Variants in TAFA1 observed in about 807,000 individuals in gnomAD.
The protein encoded by TAFA1 is TAFA chemokine like family member 1.
TAFA1 carries 4 observed loss-of-function variants against 18.5 expected under a neutral mutation model. That is an observed-to-expected ratio of 0.22 (90% confidence interval 0.11 to 0.49). The LOEUF is 0.49. Ranked by LOEUF, TAFA1 falls within the 20% of genes least tolerant of loss-of-function variation. The pLI is 0.98. For missense variants in TAFA1, 147 were observed against 169.0 expected, an observed-to-expected ratio of 0.87 and a Z score of 0.72; for synonymous variants, 56 against 55.2, an observed-to-expected ratio of 1.01 and a Z score of -0.06.
intron 2 of TAFA1, among the ~76,000 whole-genome samples, chr3:68,150,818 A>G (rs2065798296): frequency 6.6e-6 from 1 of 152,152 alleles, no homozygotes; most frequent in Non-Finnish European, 1.5e-5. Context: ...CCAGCTTTTA[A>G]AAAACAAGAT....
At chr3:68,144,969 A>T (rs373593091) in intron 2 of TAFA1, 1 of 1,031,962 alleles carries the variant, frequency 9.7e-7, no homozygotes, top group Non-Finnish European at 1.5e-6. Flanking sequence ...ATAAAGTGGC[A>T]TCAAGATGCC....
At chr3:68,480,056 G>A (rs2072201441) in intron 3 of TAFA1, among the ~76,000 whole-genome samples, 1 of 152,054 alleles carries the variant, frequency 6.6e-6, no homozygotes, top group East Asian at 1.9e-4. Context: ...GTGGTTCCAT[G>A]CAAATAACAT....
chr3:68,288,071 T>C (rs1259112788), intron 2 of TAFA1, among the ~76,000 whole-genome samples: 3 of 152,182 alleles, frequency 2.0e-5, no homozygotes, highest in Non-Finnish European at 4.4e-5. Context: ...AAGCCTCCTT[T>C]GCTCTCAATT....
At chr3:68,433,100 C>T (rs2071209291) in intron 3 of TAFA1, among the ~76,000 whole-genome samples, 1 of 152,034 alleles carries the variant, frequency 6.6e-6, no homozygotes, top group Admixed American at 6.6e-5. Flanking sequence ...ATTCAATATG[C>T]TGAAAATGGA....
intron 3 of TAFA1, among the ~76,000 whole-genome samples, chr3:68,464,352 G>A (rs904276532): frequency 6.6e-6 from 1 of 152,208 alleles, no homozygotes; most frequent in Non-Finnish European, 1.5e-5. Context: ...ACCAGGTAGA[G>A]AGAGAGTTGG....
Position 68,242,863 on chromosome 3 carries a change from AT to A in TAFA1, c.119-174410del, listed in dbSNP as rs750809548. 3.9e-5 allele frequency among the ~76,000 whole-genome samples: 6 copies of A among 152,100 alleles called. No homozygotes were observed. The South Asian group carries it at 6.2e-4, about 16-fold the overall frequency. ...GAAAAAGTGTGATGAAATAAACTAC[AT>A]TTTTTTATCTCCTATTTCCTAAGAA... On this transcript the variant is annotated intron_variant, in intron 2 of 4. Coordinates refer to ENST00000478136, the MANE Select transcript of TAFA1 (RefSeq NM_213609.4).
At chr3:68,260,894 G>A (rs1229491096) in intron 2 of TAFA1, among the ~76,000 whole-genome samples, 2 of 151,982 alleles carry the variant, frequency 1.3e-5, no homozygotes, top group Admixed American at 6.6e-5. Flanking sequence ...CAAAAGCAAT[G>A]GCAACAAAAG....
At chr3:68,165,076 C>G (rs1181409186) in intron 2 of TAFA1, among the ~76,000 whole-genome samples, 1 of 152,164 alleles carries the variant, frequency 6.6e-6, no homozygotes, top group Non-Finnish European at 1.5e-5. Flanking sequence ...GGCCAAGGGA[C>G]AGCAACCCAA....
At chr3:68,215,920 A>C (rs1263876096) in intron 2 of TAFA1, among the ~76,000 whole-genome samples, 1 of 152,078 alleles carries the variant, frequency 6.6e-6, no homozygotes, top group Non-Finnish European at 1.5e-5. Flanking sequence ...GATGTCCTTC[A>C]ATCAGTGAAT....
intron 3 of TAFA1, among the ~76,000 whole-genome samples, chr3:68,506,470 G>C (rs80141787): frequency 5.5e-5 from 5 of 91,504 alleles, no homozygotes; most frequent in South Asian, 3.1e-4. Context: ...CACACACACA[G>C]AGACACACAC....
At chr3:68,542,003 C>G (rs2073385629) in intron 4 of TAFA1, among the ~76,000 whole-genome samples, 2 of 152,056 alleles carry the variant, frequency 1.3e-5, no homozygotes, top group Non-Finnish European at 1.5e-5. Context: ...TGGAGTAGCC[C>G]AGGTAACAGG....
chr3:68,176,054 C>G (rs1232488359), intron 2 of TAFA1, among the ~76,000 whole-genome samples: 1 of 152,160 alleles, frequency 6.6e-6, no homozygotes, highest in South Asian at 2.1e-4. Context: ...GTGAGTTGCT[C>G]CTCTTTCCCT....
intron 2 of TAFA1, among the ~76,000 whole-genome samples, chr3:68,259,709 G>T (rs963023504): frequency 6.6e-6 from 1 of 151,850 alleles, no homozygotes; most frequent in African/African-American, 2.4e-5. Flanking sequence ...ATTGTGAATG[G>T]GAGTTCACTC....
At chr3:68,128,230 C>T (rs1012524236) in intron 2 of TAFA1, among the ~76,000 whole-genome samples, 3 of 152,104 alleles carry the variant, frequency 2.0e-5, no homozygotes, top group Admixed American at 1.3e-4. Flanking sequence ...AGTCTTTATA[C>T]TAATCTAACA....
At chr3:68,173,509 A>G (rs974984137) in intron 2 of TAFA1, among the ~76,000 whole-genome samples, 13 of 152,174 alleles carry the variant, frequency 8.5e-5, no homozygotes, top group African/African-American at 2.7e-4. Context: ...ACATACACGA[A>G]TTGGAATTCT....
At chr3:68,078,277 C>G (rs2064852440) in intron 2 of TAFA1, among the ~76,000 whole-genome samples, 1 of 151,414 alleles carries the variant, frequency 6.6e-6, no homozygotes, top group Admixed American at 6.6e-5. Flanking sequence ...TTGACTTCCT[C>G]TTTTCCTAAT....
rs1397924775 is a variant in TAFA1, at chr3:68,544,708, G to A, written c.*205G>A. 2.1e-6 allele frequency: 1 copy of A among 479,372 alleles called. No homozygotes were observed. Among genetic ancestry groups the A allele is most frequent in the Admixed American group, 3.8e-5 (1 of 26,108 alleles). 29.7% of individuals were successfully genotyped at this position (479,372 alleles called of 1,614,324 possible). On this transcript the variant is annotated 3_prime_UTR_variant, in exon 5 of 5. Coordinates refer to ENST00000478136, the MANE Select transcript of TAFA1 (RefSeq NM_213609.4). ...GTTTTGGCAACACCATGGAAAGTGG[G>A]CTTAAAAAAGGGTTTTCTCAGTGAA...
intron 2 of TAFA1, among the ~76,000 whole-genome samples, chr3:68,348,483 A>G (rs115176051): frequency 0.028 from 4,199 of 152,238 alleles, 72 homozygotes; most frequent in Non-Finnish European, 0.04. Context: ...TTCTTGAACT[A>G]GAAATTTCGG....
intron 2 of TAFA1, among the ~76,000 whole-genome samples, chr3:68,174,883 C>T (rs7641991): frequency 0.19 from 28,891 of 152,076 alleles, 3,092 homozygotes; most frequent in Middle Eastern, 0.28. Flanking sequence ...CTGCCCCTCC[C>T]ATCACAGGCC....
Sources: allele counts gnomAD v4.1 joint callset (sites outside exome capture counted in the v4.1 genomes callset), GRCh38; gene constraint gnomAD v4.1.1; transcripts MANE v1.5; gene names NCBI Gene and HGNC (gene_info 2026-07-23, HGNC 2026-07-21).